Variants in RAB27A observed in about 807,000 individuals in gnomAD.
RAB27A encodes the protein RAB27A, member RAS oncogene family, also known as ras-related protein Rab-27A.
A neutral mutation model predicts 20.8 loss-of-function variants in RAB27A; 17 were observed. The ratio of observed to expected loss-of-function variants is 0.82; its 90% CI spans 0.56 to 1.23. The LOEUF (loss-of-function observed/expected upper bound fraction) is 1.23. RAB27A is among the 50% of genes most tolerant of loss of function. RAB27A has a pLI of 0.00. For synonymous variants in RAB27A, 85 were observed against 92.8 expected, an observed-to-expected ratio of 0.92 and a Z score of 0.48; for missense variants, 277 against 266.7, an observed-to-expected ratio of 1.04 and a Z score of -0.27.
intron 1 of RAB27A, among the ~76,000 whole-genome samples, chr15:55,316,218 G>A (rs550030518): frequency 7.0e-6 from 1 of 141,874 alleles, no homozygotes; most frequent in Middle Eastern, 3.9e-3. Flanking sequence ...CTGGGCAACA[G>A]AGCCAGACTC....
At chr15:55,239,847 G>A (rs1446759884) in intron 2 of RAB27A, among the ~76,000 whole-genome samples, 2 of 152,152 alleles carry the variant, frequency 1.3e-5, no homozygotes, top group African/African-American at 2.4e-5. Context: ...CAAAATAACA[G>A]ATCTTTCAAG....
chr15:55,285,774 T>C (rs1416944092), intron 1 of RAB27A, among the ~76,000 whole-genome samples: 1 of 152,196 alleles, frequency 6.6e-6, no homozygotes, highest in Non-Finnish European at 1.5e-5. Context: ...ATTGAATAAA[T>C]AAATAAGAAA....
intron 2 of RAB27A, among the ~76,000 whole-genome samples, chr15:55,242,871 G>A (rs138018833): frequency 1.0e-3 from 153 of 152,200 alleles, no homozygotes; most frequent in African/African-American, 3.6e-3. Flanking sequence ...GTTAGACATG[G>A]GGCTAATCTA....
At chr15:55,289,553 G>C (rs1170708978) in intron 1 of RAB27A, among the ~76,000 whole-genome samples, 163 bp downstream of exon 1, 1 of 152,114 alleles carries the variant, frequency 6.6e-6, no homozygotes, top group Non-Finnish European at 1.5e-5. Flanking sequence ...CTGAGGGCCT[G>C]GGAGAGAAGC....
intron 2 of RAB27A, among the ~76,000 whole-genome samples, chr15:55,264,862 T>A (rs1031117307): frequency 6.6e-6 from 1 of 152,194 alleles, no homozygotes; most frequent in Non-Finnish European, 1.5e-5. Flanking sequence ...TGTGCCACTA[T>A]GTTAAGCACC....
intron 2 of RAB27A, among the ~76,000 whole-genome samples, chr15:55,307,118 G>A (rs1360039319): frequency 6.6e-6 from 1 of 151,938 alleles, no homozygotes; most frequent in African/African-American, 2.4e-5. Flanking sequence ...GTCTAGGGAT[G>A]GGGAATTAGA....
intron 5 of RAB27A, among the ~76,000 whole-genome samples, chr15:55,224,443 G>A (rs571651944): frequency 6.6e-6 from 1 of 152,120 alleles, no homozygotes; most frequent in Non-Finnish European, 1.5e-5. Flanking sequence ...TAAAAGAATT[G>A]TTTTTCTCCA....
chr15:55,237,707 T>C (rs902459123), intron 2 of RAB27A, among the ~76,000 whole-genome samples: 1 of 152,170 alleles, frequency 6.6e-6, no homozygotes, highest in East Asian at 1.9e-4. Context: ...ATTTGAGGGC[T>C]TCCCCTCAAA....
In RAB27A at chr15:55,258,022, G is replaced by A. The variant is rs1050939854; in HGVS notation, c.-23+12143C>T. ...GCGCAGGTTGCAGTGAGCTGAGATC[G>A]CACCACTGCACTCCAGCCTGGGCGA... On this transcript the variant is annotated intron_variant, in intron 2 of 6. Coordinates refer to ENST00000336787, the MANE Select transcript of RAB27A (RefSeq NM_183235.3). Among the ~76,000 whole-genome samples the A allele has an allele frequency of 3.6e-5, 5 of 140,614 alleles. No homozygotes were observed. In the East Asian group the frequency reaches 6.2e-4, roughly 17 times the overall value. The allele number at this position is 140,614 out of a possible 152,430, so 92.2% of individuals were successfully genotyped here. A position where few individuals can be genotyped will look rare whatever the true frequency, so the allele number is the denominator to read the frequency against.
chr15:55,207,159 GAGA>G (rs1266506321), intron 6 of RAB27A, among the ~76,000 whole-genome samples: 3 of 152,154 alleles, frequency 2.0e-5, no homozygotes, highest in African/African-American at 7.2e-5. Flanking sequence ...TATTGCCAAG[GAGA>G]AGAAAAGAGG....
chr15:55,309,130 G>A (rs2055009731), intron 2 of RAB27A, among the ~76,000 whole-genome samples: 1 of 152,198 alleles, frequency 6.6e-6, no homozygotes, highest in African/African-American at 2.4e-5. Context: ...AATGGGTATT[G>A]ACTTTCCAAG....
Position 55,261,600 on chromosome 15 carries a change from G to A in RAB27A, c.-23+8565C>T, listed in dbSNP as rs372539152. On this transcript the variant is annotated intron_variant, in intron 2 of 6. Transcript: ENST00000336787. The stretch of plus-strand genomic sequence containing the variant: ...AAAAAAAAAAAAAAAAGTTAGCTAG[G>A]CTTGGGGGCGTGTGCCCGTAGTCCC... Among the ~76,000 whole-genome samples the A allele has an allele frequency of 1.3e-4, 19 of 146,512 alleles. 1 individual carries two copies. Among genetic ancestry groups the A allele is most frequent in the Admixed American group, 7.6e-4 (11 of 14,454 alleles).
intron 2 of RAB27A, among the ~76,000 whole-genome samples, chr15:55,305,280 G>A (rs2054992121): frequency 6.6e-6 from 1 of 152,208 alleles, no homozygotes. Flanking sequence ...GCTTCCTGCT[G>A]AACTGGGGCA....
At chr15:55,223,613 C>T (rs751297870) in intron 6 of RAB27A, among the ~76,000 whole-genome samples, 11 of 152,160 alleles carry the variant, frequency 7.2e-5, no homozygotes, top group African/African-American at 1.2e-4. Context: ...GAAGGCCTTA[C>T]ATACTTAAGG....
rs36001856 is a variant in RAB27A, at chr15:55,304,832, C to CATATAT, written c.-112+9201_-112+9206dup. 2.0e-4 allele frequency among the ~76,000 whole-genome samples: 29 copies of CATATAT among 148,494 alleles called. 1 individual carries two copies. The highest frequency in any genetic ancestry group is 6.7e-4 in the Admixed American group (10 of 14,898). Reference sequence around the variant, plus strand: ...ATTCATTTACCAGCTTTAGTGTGAACATATATATATATATATATGGTGTGT... The same window carrying CATATAT: ...ATTCATTTACCAGCTTTAGTGTGAACATATATATATATATATATATATATGGTGTGT... On this transcript the variant is annotated intron_variant, in intron 2 of 5. Coordinates refer to the RAB27A transcript ENST00000563262.
intron 6 of RAB27A, among the ~76,000 whole-genome samples, chr15:55,222,711 A>T (rs1329884472): frequency 2.0e-5 from 3 of 152,170 alleles, no homozygotes; most frequent in Non-Finnish European, 2.9e-5. Flanking sequence ...AAAAAGGGAA[A>T]GGTTTTCTCT....
intron 2 of RAB27A, among the ~76,000 whole-genome samples, chr15:55,306,730 C>A (rs534367730): frequency 6.6e-6 from 1 of 152,144 alleles, no homozygotes; most frequent in Non-Finnish European, 1.5e-5. Flanking sequence ...AACTCCTATA[C>A]GATGGGGCAT....
chr15:55,317,894 CATCA>C (rs1315676239), intron 1 of RAB27A: 5 of 390,174 alleles, frequency 1.3e-5, no homozygotes, highest in African/African-American at 8.3e-5. Context: ...AAAGCAAAGC[CATCA>C]CTTAGTACAA....
At position 55,270,284 on chromosome 15, in the gene RAB27A, T is replaced by C. The variant is rs1417597661; in HGVS notation, c.-142A>G. 1 of 152,202 alleles carries C rather than the reference T, an allele frequency of 6.6e-6. No homozygotes were observed. Among genetic ancestry groups the C allele is most frequent in the Non-Finnish European group, 1.5e-5 (1 of 68,026 alleles). The allele number at this position is 152,202 out of a possible 1,614,324, so 9.4% of individuals were successfully genotyped here. A position where few individuals can be genotyped will look rare whatever the true frequency, so the allele number is the denominator to read the frequency against. On this transcript the variant is annotated splice_region_variant and 5_prime_UTR_variant, in exon 2 of 7. Transcript: ENST00000336787. The stretch of plus-strand genomic sequence containing the variant: ...TCCTCTTCAGGAAGGTTACTTTTTG[T>C]CTAATGTTAAGACAAAGAGAAATGT...
Sources: gnomAD v4.1 joint callset for allele counts (sites outside exome capture counted in the v4.1 genomes callset) on GRCh38, gnomAD v4.1.1 for gene constraint, MANE v1.5 for transcripts, NCBI Gene and HGNC (gene_info 2026-07-23, HGNC 2026-07-21) for gene names.